CFAP70: variants seen among roughly 807,000 people sequenced by gnomAD.
CFAP70 encodes the protein cilia- and flagella-associated protein 70.
In CFAP70, 81 loss-of-function variants were observed where a neutral mutation model predicts 137.6. That is an observed-to-expected ratio of 0.59 (90% CI 0.49 to 0.71). The LOEUF is 0.71. Among genes scored for constraint, CFAP70 ranks in the 30% least tolerant of loss-of-function variants. The pLI is 0.00. For synonymous variants in CFAP70, 382 were observed against 423.6 expected (o/e 0.90, Z 1.20); for missense variants, 976 against 1,226.7 (o/e 0.80, Z 3.05).
intron 6 of CFAP70, among the ~76,000 whole-genome samples, chr10:73,338,493 T>C (rs1439325654): frequency 2.0e-5 from 3 of 149,714 alleles, no homozygotes; most frequent in Admixed American, 6.7e-5. Context: ...TGCAGTGGCA[T>C]GATCTCAGCT....
intron 9 of CFAP70, among the ~76,000 whole-genome samples, chr10:73,316,299 G>A (rs891058778): frequency 6.6e-6 from 1 of 151,202 alleles, no homozygotes; most frequent in East Asian, 1.9e-4. Flanking sequence ...TTTTATCAGT[G>A]TTTTTAGATC....
At chr10:73,269,877 A>T (rs2046099496) in intron 24 of CFAP70, among the ~76,000 whole-genome samples, 162 bp from the exon 26 acceptor site, 1 of 152,214 alleles carries the variant, frequency 6.6e-6, no homozygotes, top group African/African-American at 2.4e-5. Context: ...TCAATATATG[A>T]ACCAATTAAA....
exon 25 of CFAP70, chr10:73,269,672 T>C (rs778302842): frequency 4.3e-6 from 7 of 1,613,728 alleles, no homozygotes; most frequent in Non-Finnish European, 5.1e-6. Context: ...GTTCAATGCA[T>C]TGGCTTCAGA....
At chr10:73,345,464 A>T (rs1467060841) in intron 4 of CFAP70, among the ~76,000 whole-genome samples, 2 of 152,140 alleles carry the variant, frequency 1.3e-5, no homozygotes, top group Non-Finnish European at 2.9e-5. Context: ...TATCATACTG[A>T]GGTAAAGTAT....
chr10:73,291,367 G>A (rs141991496), exon 19 of CFAP70: 67 of 1,614,010 alleles, frequency 4.2e-5, no homozygotes, highest in Admixed American at 6.7e-5. Context: ...TGAAGCATCC[G>A]TGCCTGAAGC....
chr10:73,299,710 T>C, intron 12 of CFAP70, 45 bp from the exon 14 acceptor site: 4 of 1,460,868 alleles, frequency 2.7e-6, no homozygotes, highest in Non-Finnish European at 3.8e-6. Context: ...AAAAAATTTA[T>C]TATCTACAGA....
At chr10:73,346,090 G>A (rs1444102366) in intron 4 of CFAP70, among the ~76,000 whole-genome samples, 1 of 151,046 alleles carries the variant, frequency 6.6e-6, no homozygotes, top group East Asian at 2.0e-4. Context: ...GTAGAGACGG[G>A]GTTTCAACAT....
In CFAP70 at chr10:73,311,980, T is replaced by C. The variant is rs72812292; in HGVS notation, c.1084-66A>G. 3.7e-3 allele frequency: 4,550 copies of C among 1,219,000 alleles called. 9 individuals carry two copies. Among genetic ancestry groups the C allele is most frequent in the Admixed American group, 5.5e-3 (320 of 57,908 alleles). 75.5% of individuals were successfully genotyped at this position (1,219,000 alleles called of 1,614,324 possible). On this transcript the variant is annotated intron_variant, in intron 10 of 26. Coordinates refer to ENST00000310715, the Ensembl canonical transcript of CFAP70. ...ACAGTCTTCATAGTGACAAGAACAA[T>C]GTTCTCTACACTGCATCAAAATGCA...
chr10:73,331,300 T>C, intron 7 of CFAP70, 24 bp from the exon 9 acceptor site: 7 of 1,576,784 alleles, frequency 4.4e-6, no homozygotes, highest in Non-Finnish European at 6.1e-6. Flanking sequence ...ATCAGTCCAT[T>C]AGCATTATAT....
At chr10:73,279,625 G>C (rs1834689967) in intron 19 of CFAP70, among the ~76,000 whole-genome samples, 1 of 152,054 alleles carries the variant, frequency 6.6e-6, no homozygotes, top group South Asian at 2.1e-4. Context: ...TTGGGAGGCT[G>C]AGGCAAGAGG....
intron 19 of CFAP70, among the ~76,000 whole-genome samples, chr10:73,284,742 A>C (rs1246758041): frequency 0.024 from 21 of 886 alleles, 3 homozygotes; most frequent in African/African-American, 0.081. Context: ...CCTGCCACAT[A>C]TATATATATA....
intron 8 of CFAP70, among the ~76,000 whole-genome samples, chr10:73,323,709 G>A (rs575376443): frequency 1.3e-5 from 2 of 152,340 alleles, no homozygotes; most frequent in South Asian, 4.1e-4. Context: ...TATGCCCATG[G>A]AGTCTCACTC....
intron 11 of CFAP70, among the ~76,000 whole-genome samples, chr10:73,311,164 T>A (rs1225287526): frequency 6.6e-6 from 1 of 152,238 alleles, no homozygotes; most frequent in Non-Finnish European, 1.5e-5. Context: ...AGCCTCTTTC[T>A]TCTTTCCTAA....
chr10:73,315,724 C>A (rs1381239543), intron 9 of CFAP70, among the ~76,000 whole-genome samples: 2 of 152,108 alleles, frequency 1.3e-5, no homozygotes, highest in Non-Finnish European at 2.9e-5. Flanking sequence ...AAACAACACA[C>A]CCAGACAACT....
upstream of CFAP70, among the ~76,000 whole-genome samples, chr10:73,359,263 T>C (rs1167669150): frequency 1.3e-5 from 2 of 152,164 alleles, no homozygotes; most frequent in East Asian, 3.8e-4. Flanking sequence ...AGAGCTAGAA[T>C]AGCAAAACAC....
upstream of CFAP70, among the ~76,000 whole-genome samples, chr10:73,361,001 CTTTTT>C (rs557958831): frequency 4.7e-4 from 67 of 141,564 alleles, no homozygotes; most frequent in African/African-American, 1.6e-3. Flanking sequence ...TTACAATTTT[CTTTTT>C]TTTTTTTTTT....
intron 7 of CFAP70, among the ~76,000 whole-genome samples, chr10:73,334,825 G>A (rs974012697): frequency 1.3e-5 from 2 of 150,872 alleles, no homozygotes; most frequent in Non-Finnish European, 2.9e-5. Flanking sequence ...TGATCCACCC[G>A]CCTCGGCCTT....
intron 12 of CFAP70, 59 bp downstream of exon 13, chr10:73,310,099 A>G (rs2049782770): frequency 1.8e-6 from 2 of 1,089,858 alleles, no homozygotes; most frequent in South Asian, 1.4e-5. Flanking sequence ...GGACAATCTG[A>G]CTTCCTCTTA....
At position 73,293,254 on chromosome 10, in the gene CFAP70, T is replaced by C. The variant is rs1467305275; in HGVS notation, c.1770+9A>G. On this transcript the variant is annotated intron_variant, in intron 16 of 26. Transcript: ENST00000310715. ...AATAGTAACAATCACTGGGAAGATGTTTAATTACCTCTTTATAATATGCTG... is the reference window on the plus strand; with the variant it reads ...AATAGTAACAATCACTGGGAAGATGCTTAATTACCTCTTTATAATATGCTG... 1 of 1,596,120 alleles carries C rather than the reference T, an allele frequency of 6.3e-7. No homozygotes were observed. The highest frequency in any genetic ancestry group is 8.5e-7 in the Non-Finnish European group (1 of 1,174,018).
Sources: allele counts gnomAD v4.1 joint callset (sites outside exome capture counted in the v4.1 genomes callset), GRCh38; gene constraint gnomAD v4.1.1; transcripts MANE v1.5; gene names NCBI Gene and HGNC (gene_info 2026-07-23, HGNC 2026-07-21).